MYO5C: variants seen among roughly 807,000 people sequenced by gnomAD.
The protein encoded by MYO5C is myosin VC, also known as unconventional myosin-Vc.
Under a neutral mutation model 235.7 loss-of-function variants are expected in MYO5C, and 194 were observed. That is an observed-to-expected ratio of 0.82 (90% confidence interval 0.73 to 0.93). The LOEUF is 0.93. Among genes scored for constraint, MYO5C ranks in the 40% least tolerant of loss-of-function variants. MYO5C has a pLI of 0.00. For missense variants in MYO5C, 2,038 were observed against 2,127.2 expected (o/e 0.96, Z 0.82); for synonymous variants, 707 against 754.8 (o/e 0.94, Z 1.04).
rs550451700 is a variant in MYO5C at position 52,262,377 on chromosome 15, C to T, written c.1048-1250G>A. Among the ~76,000 whole-genome samples, 7 of 152,248 alleles carry T rather than the reference C, an allele frequency of 4.6e-5. No homozygotes were observed. In the South Asian group the frequency reaches 8.3e-4, roughly 18 times the overall value. ...AATGCTACCTTAATAAGAAGCTTCACGGGAGAGGGCTCAGTGTGATGGCAT... is the reference window on the plus strand; with the variant it reads ...AATGCTACCTTAATAAGAAGCTTCATGGGAGAGGGCTCAGTGTGATGGCAT... On this transcript the variant is annotated intron_variant, in intron 9 of 40. Coordinates refer to ENST00000261839, the MANE Select transcript of MYO5C (RefSeq NM_018728.4).
At chr15:52,221,577 A>G (rs910774631) in intron 29 of MYO5C, among the ~76,000 whole-genome samples, 2 of 152,158 alleles carry the variant, frequency 1.3e-5, no homozygotes, top group South Asian at 2.1e-4. Context: ...CTTTGGTCCA[A>G]GCCCAGAGCC....
rs189634530 is a variant in MYO5C at position 52,288,353 on chromosome 15, G to T, written c.28-5461C>A. 1.9e-4 allele frequency among the ~76,000 whole-genome samples: 29 copies of T among 152,246 alleles called. No individual in the cohort carries two copies. In the East Asian group the frequency reaches 5.6e-3, roughly 29 times the overall value. On this transcript the variant is annotated intron_variant, in intron 1 of 40. Coordinates refer to ENST00000261839, the MANE Select transcript of MYO5C (RefSeq NM_018728.4). ...CTCTCCTAACTATAATTTAGGATTG[G>T]TTTCAGCTAAAAGTGGTATTAAATG...
intron 1 of MYO5C, among the ~76,000 whole-genome samples, chr15:52,284,020 T>C (rs1286730894): frequency 1.3e-5 from 2 of 152,188 alleles, no homozygotes; most frequent in Non-Finnish European, 2.9e-5. Context: ...GAGAGTTTGA[T>C]GTATTTTTCT....
At position 52,208,540 on chromosome 15, in the gene MYO5C, T is replaced by A; in HGVS notation, c.4386+14A>T. 6.2e-7 allele frequency: 1 copy of A among 1,613,074 alleles called. No homozygotes were observed. The highest frequency in any genetic ancestry group is 1.3e-5 in the African/African-American group (1 of 75,010). On this transcript the variant is annotated intron_variant, in intron 36 of 40. Coordinates refer to ENST00000261839, the MANE Select transcript of MYO5C (RefSeq NM_018728.4). Reference sequence around the variant, plus strand: ...CTGTCAGCACAAAACAACAAGCAGGTGGGCGCCCCCTACCTCTTCTCCGCT... The same window carrying A: ...CTGTCAGCACAAAACAACAAGCAGGAGGGCGCCCCCTACCTCTTCTCCGCT...
intron 12 of MYO5C, 118 bp downstream of exon 12, chr15:52,253,199 A>T: frequency 9.5e-7 from 1 of 1,052,948 alleles, no homozygotes; most frequent in Admixed American, 2.3e-5. Flanking sequence ...ATTAATATCC[A>T]TCCAACCAAC....
intron 34 of MYO5C, among the ~76,000 whole-genome samples, 174 bp downstream of exon 34, chr15:52,213,014 C>G (rs1269489133): frequency 6.6e-6 from 1 of 152,140 alleles, no homozygotes; most frequent in African/African-American, 2.4e-5. Flanking sequence ...TTTGTTACTC[C>G]CCATTCACAG....
At chr15:52,222,979 GTCTCTACTAAAAAT>G (rs2035730671) in intron 29 of MYO5C, among the ~76,000 whole-genome samples, 3 of 152,002 alleles carry the variant, frequency 2.0e-5, no homozygotes, top group Non-Finnish European at 4.4e-5. Flanking sequence ...GTGAAACCCT[GTCTCTACTAAAAAT>G]GCAAAATTAG....
intron 20 of MYO5C, 137 bp downstream of exon 20, chr15:52,241,911 G>T: frequency 3.0e-6 from 3 of 1,000,998 alleles, no homozygotes; most frequent in Non-Finnish European, 4.4e-6. Context: ...GCACCTGGAA[G>T]AATCTCCTTT....
Position 52,278,865 on chromosome 15 carries a change from G to C in MYO5C, c.449+8C>G. ...AGCAAGGGGAAGTCCAGCTTGGCAG[G>C]AAGCTACCTGGCCATCTGCTTGTAT... On this transcript the variant is annotated splice_region_variant and intron_variant, in intron 4 of 40. Coordinates refer to ENST00000261839, the MANE Select transcript of MYO5C (RefSeq NM_018728.4). The C allele has an allele frequency of 6.2e-7, 1 of 1,613,386 alleles. No individual in the cohort carries two copies. Among genetic ancestry groups the C allele is most frequent in the Non-Finnish European group, 8.5e-7 (1 of 1,179,702 alleles).
chr15:52,224,480 T>C (rs12915773), intron 28 of MYO5C, among the ~76,000 whole-genome samples: 131,158 of 152,108 alleles, frequency 0.86, 56,791 homozygotes, highest in Middle Eastern at 0.89. Flanking sequence ...AAGTTGACAG[T>C]GGGGGAGGTT....
rs756583673 is a variant in MYO5C at position 52,239,858 on chromosome 15, C to T, written c.2578G>A (p.Val860Met). The T allele has an allele frequency of 1.9e-6, 3 of 1,612,928 alleles. No homozygotes were observed. The highest frequency in any genetic ancestry group is 1.1e-5 in the South Asian group (1 of 90,828). Residue 860 changes from valine (V) to methionine (M), a missense_variant, in exon 21 of 41, where the codon GTG becomes ATG. By Grantham distance (21) the Val-to-Met change is conservative. Coordinates refer to ENST00000261839, the MANE Select transcript of MYO5C (RefSeq NM_018728.4). Reference sequence around the variant, plus strand: ...GCCCGTGCGTATTTCTGTAGGATCACAGCCTTATGTTCCTCCAGCATCTTT... The same window carrying T: ...GCCCGTGCGTATTTCTGTAGGATCATAGCCTTATGTTCCTCCAGCATCTTT... ...YRKMLEEHKAVILQKYARAWL... is the reference protein window; with the variant it reads ...YRKMLEEHKAMILQKYARAWL...
At position 52,211,898 on chromosome 15, in the gene MYO5C, A is replaced by C. The variant is rs1427166622; in HGVS notation, c.4142-14T>G. 3 of 1,612,194 alleles carry C rather than the reference A, an allele frequency of 1.9e-6. No homozygotes were observed. The highest frequency in any genetic ancestry group is 2.5e-6 in the Non-Finnish European group (3 of 1,179,108). ...GGGGCTTCAAGTCTGAAGCAGAGAGAGCCAATGAGGATTACAGCTGACAGG... is the reference window on the plus strand; with the variant it reads ...GGGGCTTCAAGTCTGAAGCAGAGAGCGCCAATGAGGATTACAGCTGACAGG... On this transcript the variant is annotated splice_polypyrimidine_tract_variant and intron_variant, in intron 34 of 40. Coordinates refer to ENST00000261839, the MANE Select transcript of MYO5C (RefSeq NM_018728.4).
intron 1 of MYO5C, among the ~76,000 whole-genome samples, chr15:52,286,382 C>T (rs1231250563): frequency 4.0e-5 from 6 of 151,756 alleles, no homozygotes; most frequent in South Asian, 2.1e-4. Flanking sequence ...TCTGCCCGGC[C>T]GCCCCTACTG....
rs375435942 is a variant in MYO5C, at chr15:52,250,194, A to T, written c.1662+1196T>A. ...TTCATAGGCATCTTTTCAGGAGCCC[A>T]TCTGAAAAAGTCTAAGCACTAAAAA... On this transcript the variant is annotated intron_variant, in intron 13 of 40. Coordinates refer to ENST00000261839, the MANE Select transcript of MYO5C (RefSeq NM_018728.4). Among the ~76,000 whole-genome samples the T allele has an allele frequency of 1.7e-4, 25 of 150,998 alleles. No individual in the cohort carries two copies. In the South Asian group the frequency reaches 5.1e-3, roughly 31 times the overall value.
chr15:52,205,180 C>T (rs1327186403), intron 37 of MYO5C, 33 bp from the exon 38 acceptor site: 1 of 1,605,426 alleles, frequency 6.2e-7, no homozygotes, highest in South Asian at 1.1e-5. Context: ...TGCTGACACG[C>T]CAGGAGACAC....
At chr15:52,194,753 ATAT>A (rs1566955788) in intron 40 of MYO5C, among the ~76,000 whole-genome samples, 1 of 151,230 alleles carries the variant, frequency 6.6e-6, no homozygotes, top group African/African-American at 2.4e-5. Context: ...TATATATGCT[ATAT>A]TATCATATAT....
At chr15:52,208,218 T>G (rs1313105590) in intron 36 of MYO5C, among the ~76,000 whole-genome samples, 1 of 152,262 alleles carries the variant, frequency 6.6e-6, no homozygotes, top group Non-Finnish European at 1.5e-5. Flanking sequence ...GTCAGGGTCC[T>G]GTAGAGAGAA....
Position 52,278,963 on chromosome 15 carries a change from G to T in MYO5C, c.359C>A (p.Ala120Asp), listed in dbSNP as rs2037107953. 1 of 1,613,928 alleles carries T rather than the reference G, an allele frequency of 6.2e-7. No homozygotes were observed. The highest frequency in any genetic ancestry group is 8.5e-7 in the Non-Finnish European group (1 of 1,179,996). ...CTGCCCGCTGTAGGCGTGGATGATG[G>T]CATCTCCGTATATTGGCAACTGCTT... is the stretch of plus-strand genomic sequence containing the variant. ...PYKQLPIYGD[A>D]IIHAYSGQNM... Residue 120 changes from alanine to aspartate, a missense_variant, in exon 4 of 41, where the codon GCC becomes GAC. By Grantham distance (126) the Ala-to-Asp change is moderately radical. Transcript: ENST00000261839.
rs562903003 is a variant in MYO5C at position 52,193,867 on chromosome 15, C to T, written c.*35G>A. 2.5e-6 allele frequency: 4 copies of T among 1,589,480 alleles called. No individual in the cohort carries two copies. In the East Asian group the frequency reaches 9.1e-5, roughly 36 times the overall value. On this transcript the variant is annotated 3_prime_UTR_variant, in exon 41 of 41. Transcript: ENST00000261839. ...TCCCTCATATTGAACCTTCACTTAG[C>T]TTTTGAAGAAAAAGTGCATTGACTT...
Sources: allele counts gnomAD v4.1 joint callset (sites outside exome capture counted in the v4.1 genomes callset), GRCh38; gene constraint gnomAD v4.1.1; transcripts MANE v1.5; gene names NCBI Gene and HGNC (gene_info 2026-07-23, HGNC 2026-07-21).